Variants in LIPN observed in about 807,000 individuals in gnomAD.
LIPN encodes the protein lipase family member N.
A neutral mutation model predicts 43.7 loss-of-function variants in LIPN; 32 were observed. The ratio of observed to expected loss-of-function variants is 0.73; its 90% CI spans 0.55 to 0.98. The LOEUF is 0.98. Among genes scored for constraint, LIPN ranks in the 50% least tolerant of loss-of-function variants. The probability of loss-of-function intolerance (pLI) is 0.00; values close to 1 mark genes in which losing one functional copy is unlikely to be tolerated. For missense variants in LIPN, 505 were observed against 483.8 expected (o/e 1.04, Z -0.41); for synonymous variants, 156 against 157.6 (o/e 0.99, Z 0.08).
chr10:88,768,914 A>C lies in LIPN; in HGVS notation c.658A>C (p.Asn220His), dbSNP rs1478969905. 6 of 1,611,276 alleles carry C rather than the reference A, an allele frequency of 3.7e-6. No individual in the cohort carries two copies. The highest frequency in any genetic ancestry group is 5.1e-6 in the Non-Finnish European group (6 of 1,178,222). ...TTTTACCAGGTTTTTTCTACTTCCA[A>C]ATTCCATAATCAAGGTAGGCTCCTT... ...GIFTRFFLLP[N>H]SIIKAVFGTK... Residue 220 changes from asparagine (N) to histidine (H), a missense_variant, in exon 6 of 10, where the codon AAT becomes CAT. Asn to His is a moderately conservative substitution (Grantham distance 68). Transcript: ENST00000404459.
rs1010484179 is a variant in LIPN, at chr10:88,762,275, C to T, written c.196C>T (p.Pro66Ser). The T allele has an allele frequency of 6.2e-7, 1 of 1,607,762 alleles. No homozygotes were observed. Among genetic ancestry groups the T allele is most frequent in the Admixed American group, 1.7e-5 (1 of 59,352 alleles). The stretch of plus-strand genomic sequence containing the variant: ...GTATATACTCCTTGTCAACAGAATT[C>T]CTTATGGGCGAACACATGCTAGGAG... The part of the protein sequence containing the change: ...DGYILLVNRI[P>S]YGRTHARSTG... The change falls in exon 3 of 10, where the codon CCT becomes TCT. Residue 66 changes from proline to serine, a missense_variant. Pro to Ser is a moderately conservative substitution (Grantham distance 74, BLOSUM62 -1). Transcript: ENST00000404459.
chr10:88,761,690 G>A (rs1051901139), intron 2 of LIPN, among the ~76,000 whole-genome samples, 177 bp downstream of exon 2: 16 of 151,892 alleles, frequency 1.1e-4, no homozygotes, highest in African/African-American at 3.4e-4. Flanking sequence ...AATACTGTCC[G>A]GTAATGAAAA....
At chr10:88,759,746 G>A (rs1047485671), upstream of LIPN, among the ~76,000 whole-genome samples, 5 of 152,024 alleles carry the variant, frequency 3.3e-5, no homozygotes, top group Admixed American at 6.6e-5. Context: ...TTAAGATCTT[G>A]AGTATGTTCT....
intron 9 of LIPN, among the ~76,000 whole-genome samples, chr10:88,777,585 T>C (rs768735828): frequency 6.6e-6 from 1 of 151,926 alleles, no homozygotes; most frequent in Admixed American, 6.6e-5. Context: ...TATCCTATCA[T>C]ATTCCTTTAC....
At chr10:88,775,833 G>A (rs2133031493) in intron 9 of LIPN, among the ~76,000 whole-genome samples, 1 of 152,008 alleles carries the variant, frequency 6.6e-6, no homozygotes, top group Non-Finnish European at 1.5e-5. Context: ...TATTTTCCCA[G>A]GCTATCATAT....
At chr10:88,777,782 T>C (rs1436297858) in intron 9 of LIPN, among the ~76,000 whole-genome samples, 1 of 152,174 alleles carries the variant, frequency 6.6e-6, no homozygotes. Flanking sequence ...TTTTCCATTT[T>C]ATTTTTGGAG....
intron 7 of LIPN, among the ~76,000 whole-genome samples, chr10:88,773,869 A>C (rs17112741): frequency 0.23 from 34,722 of 151,948 alleles, 4,869 homozygotes; most frequent in East Asian, 0.5. Context: ...TTATCTCTAT[A>C]ATTTTCATCT....
chr10:88,761,623 T>C (rs1842998450), intron 2 of LIPN, 110 bp downstream of exon 2: 3 of 728,758 alleles, frequency 4.1e-6, no homozygotes, highest in Non-Finnish European at 6.9e-6. Context: ...AGATAAAATG[T>C]AGATGGTTTT....
chr10:88,765,431 C>T (rs1350833002), intron 4 of LIPN, among the ~76,000 whole-genome samples: 1 of 151,832 alleles, frequency 6.6e-6, no homozygotes, highest in Admixed American at 6.6e-5. Flanking sequence ...AGTTCTTGGG[C>T]AGGGGCAAGC....
In LIPN at chr10:88,764,486, A is replaced by C; in HGVS notation, c.303A>C (p.Gly101=). Reference sequence around the variant, plus strand: ...ACTGGCTTGAGAATTATGCTAATGGAAGCCTTGGATTCCTTCTAGCAGATG... The same window carrying C: ...ACTGGCTTGAGAATTATGCTAATGGCAGCCTTGGATTCCTTCTAGCAGATG... ...NAYWLENYAN[G]SLGFLLADAG... The change falls in exon 4 of 10, where the codon GGA becomes GGC. Residue 101 remains glycine (G), a synonymous_variant. Coordinates refer to ENST00000404459, the MANE Select transcript of LIPN (RefSeq NM_001102469.2). 2 of 1,612,356 alleles carry C rather than the reference A, an allele frequency of 1.2e-6. No homozygotes were observed. The highest frequency in any genetic ancestry group is 1.7e-6 in the Non-Finnish European group (2 of 1,179,020).
intron 5 of LIPN, among the ~76,000 whole-genome samples, chr10:88,766,869 C>T (rs1480019295): frequency 6.6e-6 from 1 of 151,926 alleles, no homozygotes; most frequent in Non-Finnish European, 1.5e-5. Flanking sequence ...TTGGAACACA[C>T]AAGCTTACTA....
chr10:88,763,875 C>G (rs1843043707), intron 3 of LIPN, among the ~76,000 whole-genome samples: 1 of 151,976 alleles, frequency 6.6e-6, no homozygotes. Context: ...CACTCACCTC[C>G]TCTTCCTCCC....
chr10:88,758,971 T>A (rs1842960040), upstream of LIPN, among the ~76,000 whole-genome samples: 1 of 152,120 alleles, frequency 6.6e-6, no homozygotes, highest in African/African-American at 2.4e-5. Flanking sequence ...GAAAGGATTG[T>A]TTTTGAAGTT....
chr10:88,777,901 C>T (rs2133035077), intron 9 of LIPN, 108 bp from the exon 10 acceptor site: 1 of 637,064 alleles, frequency 1.6e-6, no homozygotes, highest in Non-Finnish European at 2.8e-6. Context: ...TCATATGTTG[C>T]TGGTGCCTAA....
intron 7 of LIPN, among the ~76,000 whole-genome samples, chr10:88,771,677 C>A (rs1434344471): frequency 6.6e-6 from 1 of 151,496 alleles, no homozygotes; most frequent in Non-Finnish European, 1.5e-5. Flanking sequence ...GATTTCATAT[C>A]TTGGTCATTG....
At chr10:88,761,537 A>G in intron 2 of LIPN, 24 bp downstream of exon 2, 1 of 1,499,378 alleles carries the variant, frequency 6.7e-7, no homozygotes, top group Non-Finnish European at 9.3e-7. Context: ...AACTGTGAAG[A>G]ACATCAAATA....
intron 3 of LIPN, 28 bp downstream of exon 3, chr10:88,762,333 G>A (rs1564578936): frequency 7.4e-7 from 1 of 1,354,020 alleles, no homozygotes; most frequent in Non-Finnish European, 1.0e-6. Context: ...CCTGAAAAGG[G>A]GACTGCATTG....
chr10:88,774,672 C>A, intron 8 of LIPN, 128 bp downstream of exon 8: 1 of 719,244 alleles, frequency 1.4e-6, no homozygotes, highest in Admixed American at 2.3e-5. Context: ...TCCTTGCTGC[C>A]TTCTGTATGC....
At chr10:88,766,244 T>A (rs759802238) in intron 4 of LIPN, 25 bp from the exon 5 acceptor site, 21 of 1,130,892 alleles carry the variant, frequency 1.9e-5, no homozygotes, top group Non-Finnish European at 2.8e-5. Flanking sequence ...CAAGTATTTA[T>A]AAAAGCCCCT....
Sources: gnomAD v4.1 joint callset for allele counts (sites outside exome capture counted in the v4.1 genomes callset) on GRCh38, gnomAD v4.1.1 for gene constraint, MANE v1.5 for transcripts, NCBI Gene and HGNC (gene_info 2026-07-23, HGNC 2026-07-21) for gene names.